The following AKR1C3 variants were observed in gnomAD, a reference collection of about 807,000 sequenced individuals.
The protein encoded by AKR1C3 is 3-alpha hydroxysteroid dehydrogenase, type II.
In AKR1C3, 48 loss-of-function variants were observed where a neutral mutation model predicts 43.6. The observed-to-expected ratio is 1.10, with a 90% CI of 0.87 to 1.40. The LOEUF (loss-of-function observed/expected upper bound fraction) is 1.40. Ranked by LOEUF, AKR1C3 falls within the 40% of genes most tolerant of loss-of-function variation. The pLI is 0.00. For missense variants in AKR1C3, 482 were observed against 391.2 expected, an observed-to-expected ratio of 1.23 and a Z score of -1.96; for synonymous variants, 162 against 139.6, an observed-to-expected ratio of 1.16 and a Z score of -1.13.
At chr10:5,082,106 G>A (rs568204025) in intron 1 of AKR1C3, among the ~76,000 whole-genome samples, 2 of 152,212 alleles carry the variant, frequency 1.3e-5, no homozygotes, top group African/African-American at 4.8e-5. Flanking sequence ...GAGTTTTACT[G>A]TCTAGATTGA....
chr10:5,070,759 C>T (rs1461716537), intron 1 of AKR1C3, among the ~76,000 whole-genome samples: 3 of 152,158 alleles, frequency 2.0e-5, no homozygotes, highest in Admixed American at 6.5e-5. Context: ...GGACAGCTAT[C>T]TATGAGTCAG....
At chr10:5,097,942 T>G (rs1235493708) in intron 3 of AKR1C3, 3 of 1,043,086 alleles carry the variant, frequency 2.9e-6, no homozygotes, top group East Asian at 1.0e-4. Context: ...TCTCTCCCCA[T>G]TTCAAGCTGA....
intron 6 of AKR1C3, 48 bp downstream of exon 6, chr10:5,102,258 A>AT: frequency 6.3e-7 from 1 of 1,592,178 alleles, no homozygotes; most frequent in Non-Finnish European, 8.6e-7. Flanking sequence ...TTTGCAGAAA[A>AT]TTTTTTAGTC....
intron 1 of AKR1C3, among the ~76,000 whole-genome samples, chr10:5,062,080 C>T (rs1429299851): frequency 6.6e-6 from 1 of 152,160 alleles, no homozygotes; most frequent in African/African-American, 2.4e-5. Flanking sequence ...CAAAGTAAAT[C>T]AGCTAATCAT....
chr10:5,067,584 C>G (rs1299413425), intron 1 of AKR1C3, among the ~76,000 whole-genome samples: 2 of 151,108 alleles, frequency 1.3e-5, no homozygotes, highest in Non-Finnish European at 3.0e-5. Context: ...ATAACACCAG[C>G]CCTCTTGCAT....
chr10:5,106,790 G>T (rs1446538390), intron 8 of AKR1C3, among the ~76,000 whole-genome samples: 1 of 151,722 alleles, frequency 6.6e-6, no homozygotes, highest in Non-Finnish European at 1.5e-5. Context: ...ACTGCTGGCA[G>T]TGGAAATTTT....
intron 1 of AKR1C3, among the ~76,000 whole-genome samples, chr10:5,076,830 G>A (rs1427745347): frequency 1.3e-5 from 2 of 152,136 alleles, no homozygotes; most frequent in African/African-American, 4.8e-5. Flanking sequence ...CCAGCCAAAG[G>A]AGCACTGCCT....
At chr10:5,066,235 C>T (rs191935357) in intron 1 of AKR1C3, among the ~76,000 whole-genome samples, 9 of 152,224 alleles carry the variant, frequency 5.9e-5, no homozygotes, top group East Asian at 3.9e-4. Context: ...TTAGAACTAG[C>T]GACTCCATTT....
intron 7 of AKR1C3, among the ~76,000 whole-genome samples, chr10:5,104,221 T>C (rs1554786667): frequency 6.6e-6 from 1 of 152,198 alleles, no homozygotes; most frequent in African/African-American, 2.4e-5. Context: ...TCTTGCAAAA[T>C]TGGTAATTCT....
At chr10:5,074,160 A>G (rs782446141) in intron 1 of AKR1C3, among the ~76,000 whole-genome samples, 4 of 152,166 alleles carry the variant, frequency 2.6e-5, no homozygotes, top group Non-Finnish European at 4.4e-5. Context: ...TGTTCATCAT[A>G]CATGTGTTGA....
chr10:5,051,864 G>A (rs1838160135), intron 1 of AKR1C3, among the ~76,000 whole-genome samples: 1 of 152,174 alleles, frequency 6.6e-6, no homozygotes, highest in South Asian at 2.1e-4. Flanking sequence ...AAATAATTCA[G>A]TGCTCTCTTC....
At chr10:5,080,624 C>CACAA (rs1838814461) in intron 1 of AKR1C3, 2 of 134,184 alleles carry the variant, frequency 1.5e-5, no homozygotes, top group African/African-American at 2.9e-5. Flanking sequence ...GAGACTCCGT[C>CACAA]TCAAACAAAC....
chr10:5,083,346 T>A (rs7478670), intron 1 of AKR1C3, among the ~76,000 whole-genome samples: 2 of 151,840 alleles, frequency 1.3e-5, no homozygotes, highest in Admixed American at 6.6e-5. Flanking sequence ...TTTGTCCTTG[T>A]GATAGTTGGC....
intron 1 of AKR1C3, among the ~76,000 whole-genome samples, chr10:5,079,180 C>T (rs1838777894): frequency 6.6e-6 from 1 of 152,144 alleles, no homozygotes; most frequent in East Asian, 1.9e-4. Context: ...TATTGATGCT[C>T]TTGTCCAGTG....
chr10:5,100,233 G>A (rs1376846764), intron 5 of AKR1C3, among the ~76,000 whole-genome samples: 2 of 152,194 alleles, frequency 1.3e-5, no homozygotes, highest in African/African-American at 2.4e-5. Flanking sequence ...GGCAGAGATT[G>A]CGGTGAGCCG....
At chr10:5,098,730 G>T in intron 3 of AKR1C3, 72 bp from the exon 4 acceptor site, 7 of 1,235,434 alleles carry the variant, frequency 5.7e-6, no homozygotes, top group South Asian at 1.2e-5. Context: ...TGTCCTTAAA[G>T]GTACCTGGGG....
intron 1 of AKR1C3, among the ~76,000 whole-genome samples, chr10:5,067,494 C>T (rs1554780900): frequency 6.6e-6 from 1 of 152,152 alleles, no homozygotes; most frequent in Non-Finnish European, 1.5e-5. Flanking sequence ...GCAAGATCTT[C>T]TGATGTTCTC....
intron 6 of AKR1C3, 39 bp downstream of exon 6, chr10:5,102,249 T>A: frequency 6.3e-7 from 1 of 1,596,270 alleles, no homozygotes; most frequent in Non-Finnish European, 8.6e-7. Context: ...AACCTTCATT[T>A]TGCAGAAAAT....
At chr10:5,073,349 A>G (rs1489449513) in intron 1 of AKR1C3, among the ~76,000 whole-genome samples, 2 of 152,180 alleles carry the variant, frequency 1.3e-5, no homozygotes, top group Non-Finnish European at 2.9e-5. Context: ...CATTTTTAAC[A>G]TTATTCTCCA....
Sources: allele counts gnomAD v4.1 joint callset (sites outside exome capture counted in the v4.1 genomes callset), GRCh38; gene constraint gnomAD v4.1.1; transcripts MANE v1.5; gene names NCBI Gene and HGNC (gene_info 2026-07-23, HGNC 2026-07-21).